Variants in CMKLR1 observed in about 807,000 individuals in gnomAD.
The protein encoded by CMKLR1 is chemerin-like receptor 1.
CMKLR1 carries 6 observed loss-of-function variants against 8.2 expected under a neutral mutation model. That is an observed-to-expected ratio of 0.73 (90% CI 0.40 to 1.44). CMKLR1 has a LOEUF of 1.44. CMKLR1 is among the 40% of genes most tolerant of loss of function. CMKLR1 has a pLI of 0.02. For synonymous variants in CMKLR1, 178 were observed against 181.2 expected (o/e 0.98, Z 0.14); for missense variants, 429 against 478.0 (o/e 0.90, Z 0.96).
chr12:108,296,006 C>T (rs1354496710), intron 2 of CMKLR1, among the ~76,000 whole-genome samples: 2 of 152,304 alleles, frequency 1.3e-5, no homozygotes, highest in Non-Finnish European at 2.9e-5. Flanking sequence ...TGAGTGGATT[C>T]GTGTCCCCTG....
chr12:108,305,037 A>T (rs1475901710), intron 2 of CMKLR1, among the ~76,000 whole-genome samples: 2 of 152,180 alleles, frequency 1.3e-5, no homozygotes, highest in African/African-American at 2.4e-5. Flanking sequence ...GATGGCTCAG[A>T]CACCTCTCCT....
intron 2 of CMKLR1, among the ~76,000 whole-genome samples, chr12:108,321,897 G>A (rs1891871359): frequency 6.6e-6 from 1 of 152,180 alleles, no homozygotes; most frequent in African/African-American, 2.4e-5. Context: ...CAGTGTTGGA[G>A]GTAGGGCCTA....
At chr12:108,316,057 T>C (rs1224333053) in intron 2 of CMKLR1, among the ~76,000 whole-genome samples, 2 of 152,136 alleles carry the variant, frequency 1.3e-5, no homozygotes, top group Non-Finnish European at 2.9e-5. Context: ...AGGAAGTTCA[T>C]AATCCTCAGC....
At chr12:108,314,934 G>GT (rs3045858) in intron 2 of CMKLR1, among the ~76,000 whole-genome samples, 9,267 of 109,510 alleles carry the variant, frequency 0.085, 676 homozygotes, top group East Asian at 0.2. Flanking sequence ...ACACAGCCTT[G>GT]TTTTTTTTTT....
chr12:108,312,925 C>A (rs1195339140), intron 2 of CMKLR1, among the ~76,000 whole-genome samples: 1 of 152,144 alleles, frequency 6.6e-6, no homozygotes, highest in Non-Finnish European at 1.5e-5. Flanking sequence ...TCTGTAGAGG[C>A]CTGTCCAGCC....
Position 108,333,999 on chromosome 12 carries a change from C to T in CMKLR1, c.-286-3792G>A, listed in dbSNP as rs148456828. On this transcript the variant is annotated intron_variant, in intron 1 of 3. Coordinates refer to ENST00000550402, the MANE Select transcript of CMKLR1 (RefSeq NM_001142343.2). ...CTCACTGCATCTCAGTCCTGGCCTA[C>T]GGCCACCTCCTCAGCAGGGGCTATG... is the stretch of plus-strand genomic sequence containing the variant. Among the ~76,000 whole-genome samples, 75 of 152,346 alleles carry T rather than the reference C, an allele frequency of 4.9e-4. 1 individual carries two copies. The highest frequency in any genetic ancestry group is 1.4e-3 in the African/African-American group (59 of 41,576).
chr12:108,322,370 C>T (rs1330313578), intron 2 of CMKLR1, among the ~76,000 whole-genome samples: 1 of 152,180 alleles, frequency 6.6e-6, no homozygotes, highest in Non-Finnish European at 1.5e-5. Context: ...GAAACTCTAC[C>T]TCTGCTCCAC....
chr12:108,318,374 T>TAG (rs1399431360), intron 2 of CMKLR1, among the ~76,000 whole-genome samples: 6 of 152,194 alleles, frequency 3.9e-5, no homozygotes, highest in Non-Finnish European at 7.4e-5. Flanking sequence ...TCAGTCCCCA[T>TAG]AGAACCTGGG....
At chr12:108,314,373 A>G (rs1386787271) in intron 2 of CMKLR1, among the ~76,000 whole-genome samples, 1 of 152,254 alleles carries the variant, frequency 6.6e-6, no homozygotes, top group East Asian at 1.9e-4. Context: ...GGGGAATAGT[A>G]AGGCTTCCTG....
intron 1 of CMKLR1, among the ~76,000 whole-genome samples, chr12:108,335,818 C>T (rs1327621322): frequency 2.0e-5 from 3 of 152,214 alleles, no homozygotes; most frequent in African/African-American, 2.4e-5. Context: ...ACAAGAATAA[C>T]ACCACCTTTA....
chr12:108,313,669 C>T (rs966304080), intron 2 of CMKLR1, among the ~76,000 whole-genome samples: 13 of 152,312 alleles, frequency 8.5e-5, no homozygotes, highest in African/African-American at 2.6e-4. Context: ...AATCAGGGCC[C>T]GCTGGTCACT....
intron 2 of CMKLR1, among the ~76,000 whole-genome samples, 180 bp downstream of exon 2, chr12:108,329,815 G>C (rs114308458): frequency 6.6e-6 from 1 of 152,162 alleles, no homozygotes; most frequent in Admixed American, 6.6e-5. Flanking sequence ...GTGAACAGAG[G>C]CTCCTTTAAA....
intron 1 of CMKLR1, among the ~76,000 whole-genome samples, chr12:108,337,332 G>A (rs1892251245): frequency 6.6e-6 from 1 of 152,230 alleles, no homozygotes. Flanking sequence ...ACATCTAAGA[G>A]ATGGGACTTC....
rs895331700 is a variant in CMKLR1 at position 108,288,276 on chromosome 12, A to C, written c.*3565T>G. 3 of 152,200 alleles carry C rather than the reference A, an allele frequency of 2.0e-5. No homozygotes were observed. The highest frequency in any genetic ancestry group is 7.2e-5 in the African/African-American group (3 of 41,408). The allele number at this position is 152,200 out of a possible 1,614,324, so 9.4% of individuals were successfully genotyped here. A position where few individuals can be genotyped will look rare whatever the true frequency, so the allele number is the denominator to read the frequency against. On this transcript the variant is annotated 3_prime_UTR_variant, in exon 4 of 4. Coordinates refer to ENST00000550402, the MANE Select transcript of CMKLR1 (RefSeq NM_001142343.2). ...GAACGAGAGAGGGAGGCAGGGCAGG[A>C]GTTGAGGAATCACCGACCACTTTCA... is the stretch of plus-strand genomic sequence containing the variant.
rs753731758 is a variant in CMKLR1, at chr12:108,292,095, G to T, written c.868C>A (p.Pro290Thr). 2 of 1,614,244 alleles carry T rather than the reference G, an allele frequency of 1.2e-6. No homozygotes were observed. The highest frequency in any genetic ancestry group is 4.5e-5 in the East Asian group (2 of 44,890). ...AAACCCAGGCTGAAGACAGAGCCAG[G>T]CATGGCAGTGTGGTGGAGCTCTAGG... ...NLLELHHTAM[P>T]GSVFSLGLPL... Residue 290 changes from proline (P) to threonine (T), a missense_variant, in exon 4 of 4, where the codon CCT becomes ACT. Transcript: ENST00000550402.
At chr12:108,322,597 T>C (rs1891888079) in intron 2 of CMKLR1, among the ~76,000 whole-genome samples, 1 of 151,744 alleles carries the variant, frequency 6.6e-6, no homozygotes, top group South Asian at 2.1e-4. Flanking sequence ...TGCCAACAGG[T>C]TCCCCTAGCC....
intron 2 of CMKLR1, among the ~76,000 whole-genome samples, chr12:108,294,046 T>C (rs1891062033): frequency 6.6e-6 from 1 of 152,232 alleles, no homozygotes. Context: ...CACAAAATAC[T>C]GTTTTAGGAA....
At chr12:108,299,498 C>A (rs774905231) in intron 2 of CMKLR1, among the ~76,000 whole-genome samples, 10 of 152,152 alleles carry the variant, frequency 6.6e-5, no homozygotes, top group African/African-American at 1.2e-4. Flanking sequence ...CCTCTGCATT[C>A]CACCCCCTGC....
intron 2 of CMKLR1, among the ~76,000 whole-genome samples, chr12:108,306,777 C>T (rs1043973192): frequency 1.3e-5 from 2 of 152,132 alleles, no homozygotes; most frequent in African/African-American, 2.4e-5. Context: ...CGAGCCCAGA[C>T]CCAGACGGAA....
Sources: gnomAD v4.1 joint callset for allele counts (sites outside exome capture counted in the v4.1 genomes callset) on GRCh38, gnomAD v4.1.1 for gene constraint, MANE v1.5 for transcripts, NCBI Gene and HGNC (gene_info 2026-07-23, HGNC 2026-07-21) for gene names.